The following GRID2 variants were observed in gnomAD, a reference collection of about 807,000 sequenced individuals.
The protein encoded by GRID2 is glutamate receptor ionotropic, delta-2.
GRID2 carries 33 observed loss-of-function variants against 114.8 expected under a neutral mutation model. The observed-to-expected ratio is 0.29, with a 90% CI of 0.22 to 0.38. The LOEUF is 0.38. Among genes scored for constraint, GRID2 ranks in the 10% least tolerant of loss-of-function variants. GRID2 has a pLI of 1.00. For missense variants in GRID2, 1,184 were observed against 1,257.7 expected, an observed-to-expected ratio of 0.94 and a Z score of 0.89; for synonymous variants, 505 against 449.9, an observed-to-expected ratio of 1.12 and a Z score of -1.55.
chr4:92,554,003 G>T (rs1339552400), intron 1 of GRID2, among the ~76,000 whole-genome samples: 1 of 152,048 alleles, frequency 6.6e-6, no homozygotes, highest in African/African-American at 2.4e-5. Context: ...TATCTTGAAG[G>T]ATTTGGCCAA....
chr4:93,588,806 A>G (rs1393025172), intron 13 of GRID2, among the ~76,000 whole-genome samples: 1 of 152,138 alleles, frequency 6.6e-6, no homozygotes, highest in African/African-American at 2.4e-5. Context: ...TAAATTTGTA[A>G]TGTGGATTTT....
At chr4:93,385,688 A>G (rs1764247360) in intron 8 of GRID2, among the ~76,000 whole-genome samples, 1 of 151,616 alleles carries the variant, frequency 6.6e-6, no homozygotes, top group African/African-American at 2.4e-5. Flanking sequence ...ATCAATGTTT[A>G]TATATTTTAC....
At chr4:92,702,765 C>T (rs1377996721) in intron 2 of GRID2, 1 of 151,754 alleles carries the variant, frequency 6.6e-6, no homozygotes. Flanking sequence ...TAATGTATCA[C>T]CATAATACCT....
At chr4:92,459,503 C>G (rs1721376631) in intron 1 of GRID2, among the ~76,000 whole-genome samples, 1 of 152,094 alleles carries the variant, frequency 6.6e-6, no homozygotes, top group Non-Finnish European at 1.5e-5. Context: ...ATACAAACGT[C>G]TTATTATGTT....
At chr4:92,903,840 C>G (rs938293553) in intron 2 of GRID2, among the ~76,000 whole-genome samples, 1 of 151,928 alleles carries the variant, frequency 6.6e-6, no homozygotes, top group Non-Finnish European at 1.5e-5. Context: ...CCGCACTTCT[C>G]TCTCCTCAAT....
intron 2 of GRID2, among the ~76,000 whole-genome samples, chr4:92,889,431 TC>T (rs748233140): frequency 3.1e-4 from 47 of 152,082 alleles, no homozygotes; most frequent in Non-Finnish European, 1.2e-4. Flanking sequence ...AGTCTCAGGA[TC>T]CAAAATCAAT....
chr4:92,761,961 G>A (rs1363099751), intron 2 of GRID2, among the ~76,000 whole-genome samples: 3 of 152,082 alleles, frequency 2.0e-5, no homozygotes, highest in East Asian at 1.9e-4. Flanking sequence ...AGAGAGTCTC[G>A]CTCTGTCTCC....
intron 2 of GRID2, among the ~76,000 whole-genome samples, chr4:92,638,754 A>G (rs1381468431): frequency 6.6e-6 from 1 of 150,620 alleles, no homozygotes; most frequent in African/African-American, 2.4e-5. Flanking sequence ...GATATTTGTT[A>G]TTTTTAATAA....
At chr4:92,929,876 A>G (rs1224846659) in intron 2 of GRID2, among the ~76,000 whole-genome samples, 1 of 151,388 alleles carries the variant, frequency 6.6e-6, no homozygotes, top group African/African-American at 2.4e-5. Context: ...CTTGATACAT[A>G]CTGTTTGCTT....
In GRID2 at chr4:92,858,168, A is replaced by G. The variant is rs139197722; in HGVS notation, c.245-226827A>G. 5.9e-3 allele frequency among the ~76,000 whole-genome samples: 905 copies of G among 152,344 alleles called. 16 individuals are homozygous for G. The highest frequency in any genetic ancestry group is 0.021 in the African/African-American group (859 of 41,580). ...ATGAGGAGACTTATGTTGTCTTCAT[A>G]CCTACTAACACAACATTCATTCTGA... On this transcript the variant is annotated intron_variant, in intron 2 of 15. Coordinates refer to ENST00000282020, the MANE Select transcript of GRID2 (RefSeq NM_001510.4).
intron 9 of GRID2, among the ~76,000 whole-genome samples, chr4:93,406,271 C>T (rs954147558): frequency 6.6e-6 from 1 of 152,104 alleles, no homozygotes; most frequent in African/African-American, 2.4e-5. Context: ...AGGTTGGAAA[C>T]AACTAAATGA....
At chr4:93,727,018 C>G (rs1281339163) in intron 14 of GRID2, among the ~76,000 whole-genome samples, 1 of 152,168 alleles carries the variant, frequency 6.6e-6, no homozygotes, top group African/African-American at 2.4e-5. Flanking sequence ...ACTTCCAACA[C>G]TATGTTGAAT....
chr4:92,371,710 C>T (rs913974735), intron 1 of GRID2, among the ~76,000 whole-genome samples: 7 of 152,106 alleles, frequency 4.6e-5, no homozygotes, highest in Non-Finnish European at 8.8e-5. Flanking sequence ...CCTGCTATTA[C>T]AACATTTATT....
chr4:92,470,826 A>G (rs895000221), intron 1 of GRID2, among the ~76,000 whole-genome samples: 1 of 152,068 alleles, frequency 6.6e-6, no homozygotes, highest in Non-Finnish European at 1.5e-5. Context: ...TTAACACAGT[A>G]AGCCAGAATA....
chr4:93,430,398 C>T (rs1360472625), intron 10 of GRID2, among the ~76,000 whole-genome samples: 1 of 152,134 alleles, frequency 6.6e-6, no homozygotes, highest in Non-Finnish European at 1.5e-5. Flanking sequence ...CCAGGATGGT[C>T]CTGAACTCCT....
chr4:93,403,328 G>A (rs544899201), intron 9 of GRID2, among the ~76,000 whole-genome samples: 1 of 152,144 alleles, frequency 6.6e-6, no homozygotes, highest in South Asian at 2.1e-4. Flanking sequence ...AGTTCCCACA[G>A]TTTCACTTCT....
chr4:93,119,775 T>C (rs753077023), intron 4 of GRID2, among the ~76,000 whole-genome samples: 1 of 152,160 alleles, frequency 6.6e-6, no homozygotes, highest in African/African-American at 2.4e-5. Flanking sequence ...AATAAGCCTT[T>C]GGAAAGATTT....
At chr4:92,327,730 A>G (rs1255647897) in intron 1 of GRID2, among the ~76,000 whole-genome samples, 2 of 151,986 alleles carry the variant, frequency 1.3e-5, no homozygotes, top group African/African-American at 4.8e-5. Flanking sequence ...ATATGTTTCA[A>G]TGTGTTTCTT....
intron 2 of GRID2, among the ~76,000 whole-genome samples, chr4:92,792,882 T>C (rs1335216447): frequency 6.7e-6 from 1 of 148,588 alleles, no homozygotes; most frequent in Non-Finnish European, 1.5e-5. Flanking sequence ...GACCAGCGAC[T>C]CATAATATCC....
Sources: allele counts gnomAD v4.1 joint callset (sites outside exome capture counted in the v4.1 genomes callset), GRCh38; gene constraint gnomAD v4.1.1; transcripts MANE v1.5; gene names NCBI Gene and HGNC (gene_info 2026-07-23, HGNC 2026-07-21).